WWOX: variants seen among roughly 807,000 people sequenced by gnomAD.
The protein encoded by WWOX is WW domain containing oxidoreductase, also known as WW domain-containing oxidoreductase.
A neutral mutation model predicts 46.2 loss-of-function variants in WWOX; 69 were observed. That is an observed-to-expected ratio of 1.49 (90% CI 1.23 to 1.82). The LOEUF (loss-of-function observed/expected upper bound fraction) is 1.82. WWOX is among the 40% of genes most tolerant of loss of function. The pLI is 0.00. For missense variants in WWOX, 919 were observed against 542.6 expected (o/e 1.69, Z -6.89); for synonymous variants, 359 against 202.6 (o/e 1.77, Z -6.56).
intron 8 of WWOX, among the ~76,000 whole-genome samples, chr16:78,727,208 G>T (rs1306906570): frequency 6.6e-6 from 1 of 152,150 alleles, no homozygotes; most frequent in African/African-American, 2.4e-5. Flanking sequence ...AGACCAGCCT[G>T]GCCAACATGG....
intron 5 of WWOX, among the ~76,000 whole-genome samples, chr16:78,312,381 C>G (rs115164426): frequency 7.5e-6 from 1 of 132,852 alleles, no homozygotes; most frequent in Non-Finnish European, 1.6e-5. Context: ...AGGTCTAATT[C>G]TTTTTTTTTT....
At chr16:78,438,990 A>G (rs942068006) in intron 8 of WWOX, among the ~76,000 whole-genome samples, 5 of 152,148 alleles carry the variant, frequency 3.3e-5, no homozygotes, top group Non-Finnish European at 1.5e-5. Flanking sequence ...GAAGGAGATA[A>G]TAGATGTTGA....
At chr16:78,732,130 C>T (rs1449265587) in intron 8 of WWOX, among the ~76,000 whole-genome samples, 14 of 152,126 alleles carry the variant, frequency 9.2e-5, no homozygotes. Flanking sequence ...TCCAAAAGTG[C>T]TGGGATTACA....
intron 8 of WWOX, among the ~76,000 whole-genome samples, chr16:78,638,044 C>G (rs555650168): frequency 1.3e-5 from 2 of 152,318 alleles, no homozygotes; most frequent in Admixed American, 1.3e-4. Flanking sequence ...CTCACATCAT[C>G]CACTTCTCTC....
At position 78,673,738 on chromosome 16, in the gene WWOX, G is replaced by A. The variant is rs371601229; in HGVS notation, c.1056+240986G>A. Among the ~76,000 whole-genome samples the A allele has an allele frequency of 4.8e-4, 73 of 152,300 alleles. 1 individual carries two copies. In the South Asian group the frequency reaches 0.014, roughly 29 times the overall value. ...CATTTTATGTAAATCAGTTATTACT[G>A]TTCTCCACTTCCTTAATTATCCATG... is the stretch of plus-strand genomic sequence containing the variant. On this transcript the variant is annotated intron_variant, in intron 8 of 8. Transcript: ENST00000566780.
chr16:79,188,497 T>C lies in WWOX; in HGVS notation c.1057-23111T>C, dbSNP rs574839698. 9.2e-4 allele frequency among the ~76,000 whole-genome samples: 140 copies of C among 152,362 alleles called. 1 individual carries two copies. Among genetic ancestry groups the C allele is most frequent in the Non-Finnish European group, 1.5e-3 (104 of 68,042 alleles). On this transcript the variant is annotated intron_variant, in intron 8 of 8. Coordinates refer to ENST00000566780, the MANE Select transcript of WWOX (RefSeq NM_016373.4). The stretch of plus-strand genomic sequence containing the variant: ...GGACCAGTAGGAGGTTCAGCACGCA[T>C]TGCCAGAGAAATCACAGATGACTAA...
chr16:78,344,676 T>G (rs2081065862), intron 5 of WWOX, among the ~76,000 whole-genome samples: 1 of 121,578 alleles, frequency 8.2e-6, no homozygotes. Context: ...CTTAGCTGGT[T>G]TTTACACACA....
At chr16:78,916,204 T>C (rs1023395118) in intron 8 of WWOX, among the ~76,000 whole-genome samples, 5 of 152,138 alleles carry the variant, frequency 3.3e-5, no homozygotes, top group Non-Finnish European at 5.9e-5. Context: ...ATGCTGACAG[T>C]AGGGAGGAAG....
chr16:78,805,635 C>G (rs1419927024), intron 8 of WWOX, among the ~76,000 whole-genome samples: 1 of 152,148 alleles, frequency 6.6e-6, no homozygotes, highest in Non-Finnish European at 1.5e-5. Flanking sequence ...GTGGGATCTA[C>G]TTTGGATTTT....
intron 8 of WWOX, among the ~76,000 whole-genome samples, chr16:78,859,707 C>T (rs570817070): frequency 1.3e-5 from 2 of 152,212 alleles, no homozygotes; most frequent in South Asian, 4.2e-4. Flanking sequence ...CCATAGCCTT[C>T]TGGGTTAGAG....
intron 8 of WWOX, among the ~76,000 whole-genome samples, chr16:79,043,257 A>G (rs150843412): frequency 2.3e-4 from 35 of 152,296 alleles, no homozygotes; most frequent in African/African-American, 7.2e-4. Flanking sequence ...AAACTTTACA[A>G]TGAACTTCGT....
At chr16:78,926,172 G>C (rs1164950082) in intron 8 of WWOX, among the ~76,000 whole-genome samples, 1 of 152,072 alleles carries the variant, frequency 6.6e-6, no homozygotes, top group Admixed American at 6.6e-5. Context: ...CCAGGAGTTT[G>C]AGACCAGCCT....
intron 5 of WWOX, among the ~76,000 whole-genome samples, chr16:78,183,871 A>G (rs1308079034): frequency 1.3e-5 from 2 of 152,196 alleles, no homozygotes; most frequent in African/African-American, 2.4e-5. Context: ...TGGATTTTGT[A>G]GGATGGTGAC....
chr16:78,205,759 C>A (rs1787977318), intron 5 of WWOX, among the ~76,000 whole-genome samples: 1 of 152,048 alleles, frequency 6.6e-6, no homozygotes, highest in African/African-American at 2.4e-5. Context: ...ATCTATTCAT[C>A]TACCCACCCC....
At chr16:78,644,216 G>T (rs1440854026) in intron 8 of WWOX, among the ~76,000 whole-genome samples, 1 of 150,994 alleles carries the variant, frequency 6.6e-6, no homozygotes, top group African/African-American at 2.5e-5. Context: ...GCGAAACTCT[G>T]TCTCAAAAAT....
intron 8 of WWOX, chr16:78,551,289 T>C (rs2044166773): frequency 6.6e-6 from 1 of 152,356 alleles, no homozygotes; most frequent in South Asian, 2.1e-4. Flanking sequence ...GGGTGATCTT[T>C]AGATATCTCG....
At chr16:79,047,430 C>T (rs930656673) in intron 8 of WWOX, among the ~76,000 whole-genome samples, 1 of 152,148 alleles carries the variant, frequency 6.6e-6, no homozygotes, top group Admixed American at 6.5e-5. Flanking sequence ...ATTGATTGAT[C>T]GACTGAGGAA....
chr16:78,191,470 T>C (rs973448382), intron 5 of WWOX, among the ~76,000 whole-genome samples: 1 of 152,222 alleles, frequency 6.6e-6, no homozygotes, highest in Non-Finnish European at 1.5e-5. Context: ...GCCGCCACAA[T>C]ATATCAATGT....
At chr16:78,547,868 A>G (rs1439410026) in intron 8 of WWOX, among the ~76,000 whole-genome samples, 5 of 151,992 alleles carry the variant, frequency 3.3e-5, no homozygotes, top group Non-Finnish European at 4.4e-5. Flanking sequence ...ATTTCAACAT[A>G]TGGCTGGGCG....
Sources: gnomAD v4.1 joint callset for allele counts (sites outside exome capture counted in the v4.1 genomes callset) on GRCh38, gnomAD v4.1.1 for gene constraint, MANE v1.5 for transcripts, NCBI Gene and HGNC (gene_info 2026-07-23, HGNC 2026-07-21) for gene names.